The following HSD17B4 variants were observed in gnomAD, a reference collection of about 807,000 sequenced individuals.
HSD17B4 encodes hydroxysteroid 17-beta dehydrogenase 4.
Under a neutral mutation model 101.0 loss-of-function variants are expected in HSD17B4, and 70 were observed. That is an observed-to-expected ratio of 0.69 (90% CI 0.57 to 0.85). The LOEUF (loss-of-function observed/expected upper bound fraction) is 0.85. Among genes scored for constraint, HSD17B4 ranks in the 40% least tolerant of loss-of-function variants. The pLI, the probability that HSD17B4 is intolerant of heterozygous loss-of-function variation, is 0.00. For missense variants in HSD17B4, 984 were observed against 892.4 expected (o/e 1.10, Z -1.31); for synonymous variants, 347 against 297.1 (o/e 1.17, Z -1.73).
chr5:119,529,777 T>C (rs1753897514), intron 20 of HSD17B4, 117 bp from the exon 21 acceptor site: 2 of 682,490 alleles, frequency 2.9e-6, no homozygotes, highest in South Asian at 3.3e-5. Flanking sequence ...TCTGGATTAT[T>C]ATATTCTTTT....
chr5:119,455,526 G>GA (rs1195093975), intron 1 of HSD17B4, among the ~76,000 whole-genome samples: 2 of 140,950 alleles, frequency 1.4e-5, no homozygotes, highest in African/African-American at 5.3e-5. Context: ...CAAAAAAAAA[G>GA]AAAAAAAGCA....
chr5:119,504,069 A>G (rs1193632001), intron 14 of HSD17B4, among the ~76,000 whole-genome samples: 1 of 152,192 alleles, frequency 6.6e-6, no homozygotes, highest in Non-Finnish European at 1.5e-5. Context: ...ACTTAGGATA[A>G]TGACGTCCAA....
At chr5:119,537,534 A>G (rs903711731) in intron 23 of HSD17B4, among the ~76,000 whole-genome samples, 1 of 152,184 alleles carries the variant, frequency 6.6e-6, no homozygotes, top group African/African-American at 2.4e-5. Flanking sequence ...TATTGGCTGA[A>G]TTAAGACAAA....
At chr5:119,485,974 C>T (rs557586206) in intron 8 of HSD17B4, among the ~76,000 whole-genome samples, 1 of 152,292 alleles carries the variant, frequency 6.6e-6, no homozygotes, top group Non-Finnish European at 1.5e-5. Context: ...AAGATGTTTG[C>T]TGGCACTGAA....
intron 16 of HSD17B4, among the ~76,000 whole-genome samples, 155 bp from the exon 17 acceptor site, chr5:119,514,826 A>G (rs1191557491): frequency 2.6e-5 from 4 of 152,170 alleles, no homozygotes; most frequent in African/African-American, 9.6e-5. Context: ...AATTTTAAAT[A>G]TCATTATTTC....
intron 17 of HSD17B4, among the ~76,000 whole-genome samples, chr5:119,522,993 C>T (rs1429047613): frequency 6.6e-6 from 1 of 152,142 alleles, no homozygotes; most frequent in East Asian, 1.9e-4. Flanking sequence ...CAGTAGCTTT[C>T]AGAGGGTGCT....
chr5:119,475,549 A>G, intron 4 of HSD17B4, 157 bp from the exon 5 acceptor site: 1 of 608,430 alleles, frequency 1.6e-6, no homozygotes, highest in East Asian at 2.8e-5. Context: ...ACTTTTTTTG[A>G]TATAGGTATA....
At position 119,529,269 on chromosome 5, in the gene HSD17B4, G is replaced by T. The variant is rs553595935; in HGVS notation, c.1768-625G>T. ...GCCATTGGAATAATTTGAAATGAAG[G>T]ACTGGGAATTAGAATTTGAATTCCT... On this transcript the variant is annotated intron_variant, in intron 20 of 23. Transcript: ENST00000510025. Among the ~76,000 whole-genome samples, 14 of 152,216 alleles carry T rather than the reference G, an allele frequency of 9.2e-5. No homozygotes were observed. In the South Asian group the frequency reaches 2.9e-3, roughly 32 times the overall value.
In HSD17B4 at chr5:119,492,041, A is replaced by G; in HGVS notation, c.715-59A>G. ...AGGAGCTGACTTTTTTCTAATTAAA[A>G]CAATTGTATTAGTGATTTCACATTA... On this transcript the variant is annotated intron_variant, in intron 9 of 23. Transcript: ENST00000510025. 4 of 1,394,434 alleles carry G rather than the reference A, an allele frequency of 2.9e-6. No homozygotes were observed. In the Admixed American group the frequency reaches 6.7e-5, roughly 23 times the overall value. 86.4% of individuals were successfully genotyped at this position (1,394,434 alleles called of 1,614,324 possible).
intron 23 of HSD17B4, among the ~76,000 whole-genome samples, chr5:119,539,922 CAAAAAAAAA>C (rs35193622): frequency 1.9e-5 from 2 of 105,848 alleles, no homozygotes; most frequent in Non-Finnish European, 3.7e-5. Context: ...CTGTCTCTAC[CAAAAAAAAA>C]AAAAAAAAAA....
intron 22 of HSD17B4, among the ~76,000 whole-genome samples, chr5:119,532,401 T>C (rs17145471): frequency 0.097 from 14,753 of 152,112 alleles, 844 homozygotes; most frequent in African/African-American, 0.17. Flanking sequence ...ACTAGCCTGA[T>C]TCTGTATATG....
At chr5:119,522,671 G>T (rs574433591) in intron 17 of HSD17B4, among the ~76,000 whole-genome samples, 2 of 152,200 alleles carry the variant, frequency 1.3e-5, no homozygotes, top group Middle Eastern at 3.4e-3. Flanking sequence ...GCACTGTGGG[G>T]AGGTGTTTTA....
intron 23 of HSD17B4, among the ~76,000 whole-genome samples, chr5:119,539,058 A>G (rs797021317): frequency 4.6e-5 from 7 of 152,324 alleles, no homozygotes; most frequent in African/African-American, 1.7e-4. Context: ...CTGTATAGAA[A>G]TTAGAAACTT....
At position 119,499,317 on chromosome 5, in the gene HSD17B4, G is replaced by A; in HGVS notation, c.973G>A (p.Ala325Thr). 1 of 1,598,046 alleles carries A rather than the reference G, an allele frequency of 6.3e-7. No individual in the cohort carries two copies. Residue 325 changes from alanine (A) to threonine (T), a missense_variant and splice_region_variant, in exon 13 of 24, where the codon GCT becomes ACT. Physicochemically the swap from Ala to Thr is moderately conservative, Grantham distance 58. Coordinates refer to ENST00000510025, the MANE Select transcript of HSD17B4 (RefSeq NM_000414.4). ...AATTACTTTTTAAAACTGTTCTTAG[G>A]CTGGAGCTATTGGCCAGAAACTCCC... ...RATSTATSGF[A>T]GAIGQKLPPF...
chr5:119,527,255 T>G (rs1462695252), intron 20 of HSD17B4, 36 bp downstream of exon 20: 13 of 1,144,074 alleles, frequency 1.1e-5, no homozygotes, highest in Middle Eastern at 4.1e-4. Context: ...CTCACATGCT[T>G]TATCATTGTG....
intron 21 of HSD17B4, 125 bp downstream of exon 21, chr5:119,530,105 T>C: frequency 1.4e-6 from 1 of 710,174 alleles, no homozygotes; most frequent in Non-Finnish European, 2.6e-6. Flanking sequence ...ATTCTTGAAG[T>C]GAAAAACATT....
At chr5:119,536,356 G>C in intron 22 of HSD17B4, 67 bp from the exon 23 acceptor site, 1 of 1,391,320 alleles carries the variant, frequency 7.2e-7, no homozygotes, top group Non-Finnish European at 1.0e-6. Flanking sequence ...CATTTTACTT[G>C]GTTTATTTTA....
At chr5:119,480,795 C>T (rs62373969) in intron 8 of HSD17B4, among the ~76,000 whole-genome samples, 1 of 152,122 alleles carries the variant, frequency 6.6e-6, no homozygotes, top group Non-Finnish European at 1.5e-5. Context: ...GACAGGTACG[C>T]CCCGGGGGGG....
intron 16 of HSD17B4, among the ~76,000 whole-genome samples, chr5:119,513,595 G>A (rs990559918): frequency 1.3e-5 from 2 of 152,152 alleles, no homozygotes; most frequent in African/African-American, 4.8e-5. Context: ...TGTTGGCCAG[G>A]CTGGTCTCGA....
Sources: gnomAD v4.1 joint callset for allele counts (sites outside exome capture counted in the v4.1 genomes callset) on GRCh38, gnomAD v4.1.1 for gene constraint, MANE v1.5 for transcripts, NCBI Gene and HGNC (gene_info 2026-07-23, HGNC 2026-07-21) for gene names.